FUT8: variants seen among roughly 807,000 people sequenced by gnomAD.
FUT8 encodes the protein fucosyltransferase 8.
Under a neutral mutation model 71.3 loss-of-function variants are expected in FUT8, and 29 were observed. That is an observed-to-expected ratio of 0.41 (90% CI 0.30 to 0.55). FUT8 has a LOEUF of 0.55. Ranked by LOEUF, FUT8 falls within the 20% of genes least tolerant of loss-of-function variation. The pLI is 0.34. For missense variants in FUT8, 544 were observed against 702.1 expected (o/e 0.77, Z 2.55); for synonymous variants, 254 against 239.3 (o/e 1.06, Z -0.57).
At chr14:65,671,063 A>G (rs896806127) in intron 7 of FUT8, among the ~76,000 whole-genome samples, 1 of 152,162 alleles carries the variant, frequency 6.6e-6, no homozygotes, top group Non-Finnish European at 1.5e-5. Context: ...GTCATTCAGG[A>G]AAAGAAACTC....
At chr14:65,378,845 T>TG in the FUT8 span, among the ~76,000 whole-genome samples, 1 of 133,566 alleles carries the variant, frequency 7.5e-6, no homozygotes, top group Non-Finnish European at 1.6e-5. Context: ...AGGTTTTTTT[T>TG]TTTTTTTTTT....
At chr14:65,519,187 C>T (rs77425817) in intron 2 of FUT8, among the ~76,000 whole-genome samples, 1 of 151,830 alleles carries the variant, frequency 6.6e-6, no homozygotes. Flanking sequence ...GGAACGTGTC[C>T]CATCGTATTA....
At chr14:65,677,152 G>GTGTGTGTGTGCGCGCGCGCGCGCA (rs1555383261) in intron 7 of FUT8, among the ~76,000 whole-genome samples, 2 of 59,480 alleles carry the variant, frequency 3.4e-5, no homozygotes, top group Admixed American at 1.5e-4. Context: ...GTGTGTGTGT[G>GTGTGTGTGTGCGCGCGCGCGCGCA]CGCGCGCGCA....
chr14:65,616,194 C>T lies in FUT8; in HGVS notation c.320-17C>T, dbSNP rs760882431. ...AAAATGTTGGAAATGCTACAACTCT[C>T]TATTCTTTGACTACAGGTCTGGGGA... On this transcript the variant is annotated splice_polypyrimidine_tract_variant and intron_variant, in intron 4 of 10. Transcript: ENST00000673929. 3 of 1,599,924 alleles carry T rather than the reference C, an allele frequency of 1.9e-6. No homozygotes were observed. The highest frequency in any genetic ancestry group is 2.2e-5 in the East Asian group (1 of 44,742).
intron 3 of FUT8, among the ~76,000 whole-genome samples, chr14:65,604,543 T>A (rs1379502766): frequency 6.6e-6 from 1 of 151,832 alleles, no homozygotes; most frequent in Non-Finnish European, 1.5e-5. Flanking sequence ...AAAAAATTCC[T>A]CAAACTGAAC....
chr14:65,493,730 A>G (rs927163323), intron 2 of FUT8, among the ~76,000 whole-genome samples: 2 of 152,060 alleles, frequency 1.3e-5, no homozygotes, highest in African/African-American at 2.4e-5. Flanking sequence ...CTAGAGACCA[A>G]ACCTTTAACA....
chr14:65,479,198 G>A (rs150619597), intron 2 of FUT8, among the ~76,000 whole-genome samples: 82 of 152,260 alleles, frequency 5.4e-4, no homozygotes, highest in African/African-American at 1.9e-3. Flanking sequence ...AACTACAGAT[G>A]TCTATGGCAT....
At chr14:65,712,059 C>T (rs1331049368) in intron 7 of FUT8, among the ~76,000 whole-genome samples, 1 of 152,110 alleles carries the variant, frequency 6.6e-6, no homozygotes, top group African/African-American at 2.4e-5. Flanking sequence ...GATTTTTATT[C>T]TAATTCATTA....
intron 3 of FUT8, among the ~76,000 whole-genome samples, chr14:65,582,315 A>G (rs909109690): frequency 3.3e-5 from 5 of 152,116 alleles, no homozygotes; most frequent in Non-Finnish European, 7.4e-5. Context: ...TGATATAAGA[A>G]TATATTTACT....
At chr14:65,717,974 T>C (rs1328665218) in intron 7 of FUT8, among the ~76,000 whole-genome samples, 1 of 152,252 alleles carries the variant, frequency 6.6e-6, no homozygotes, top group Non-Finnish European at 1.5e-5. Context: ...AGTATGTTTC[T>C]TGTAGGTAAC....
At chr14:65,508,595 G>C (rs1002695907) in intron 2 of FUT8, among the ~76,000 whole-genome samples, 1 of 140,794 alleles carries the variant, frequency 7.1e-6, no homozygotes, top group African/African-American at 2.6e-5. Context: ...CCACCTCCCG[G>C]GTTCAAGCAA....
the FUT8 span, among the ~76,000 whole-genome samples, chr14:65,379,582 G>C: frequency 6.6e-6 from 1 of 152,050 alleles, no homozygotes; most frequent in Admixed American, 6.5e-5. Context: ...TGTGCTTGGA[G>C]CTGAAATTGT....
At chr14:65,543,433 G>A (rs1027977612) in intron 2 of FUT8, among the ~76,000 whole-genome samples, 1 of 152,084 alleles carries the variant, frequency 6.6e-6, no homozygotes, top group African/African-American at 2.4e-5. Context: ...TAGGTGCTAT[G>A]TATACTTTTA....
chr14:65,418,820 A>G (rs1225643586), intron 1 of FUT8, among the ~76,000 whole-genome samples: 1 of 152,220 alleles, frequency 6.6e-6, no homozygotes, highest in African/African-American at 2.4e-5. Flanking sequence ...TTCCAGGTAA[A>G]ACATTAGCTT....
At chr14:65,423,910 C>T (rs1276448437) in intron 1 of FUT8, among the ~76,000 whole-genome samples, 1 of 152,178 alleles carries the variant, frequency 6.6e-6, no homozygotes, top group Non-Finnish European at 1.5e-5. Flanking sequence ...TCAGCAATGG[C>T]TTCATGAATT....
At chr14:65,696,230 TTC>T (rs1314444873) in intron 7 of FUT8, among the ~76,000 whole-genome samples, 1 of 152,204 alleles carries the variant, frequency 6.6e-6, no homozygotes, top group African/African-American at 2.4e-5. Context: ...ATAATTTTCC[TTC>T]TCTCTGAAGC....
chr14:65,624,767 G>A (rs1187908616), intron 5 of FUT8, among the ~76,000 whole-genome samples: 1 of 152,178 alleles, frequency 6.6e-6, no homozygotes, highest in African/African-American at 2.4e-5. Flanking sequence ...TCTCCAGCAC[G>A]ATACTGTTAT....
intron 6 of FUT8, among the ~76,000 whole-genome samples, chr14:65,650,170 G>A (rs886159282): frequency 2.6e-5 from 4 of 151,754 alleles, no homozygotes; most frequent in African/African-American, 4.8e-5. Context: ...GTGGTGGCAC[G>A]CGCCTGTAAT....
intron 2 of FUT8, among the ~76,000 whole-genome samples, chr14:65,540,899 A>G (rs998140375): frequency 2.0e-5 from 3 of 152,244 alleles, no homozygotes; most frequent in Non-Finnish European, 2.9e-5. Context: ...TAATAATTCA[A>G]TGACATTTGT....
Sources: gnomAD v4.1 joint callset for allele counts (sites outside exome capture counted in the v4.1 genomes callset) on GRCh38, gnomAD v4.1.1 for gene constraint, MANE v1.5 for transcripts, NCBI Gene and HGNC (gene_info 2026-07-23, HGNC 2026-07-21) for gene names.